KSR2: variants seen among roughly 807,000 people sequenced by gnomAD.
KSR2 encodes the protein kinase suppressor of ras 2.
A neutral mutation model predicts 107.8 loss-of-function variants in KSR2; 25 were observed. The ratio of observed to expected loss-of-function variants is 0.23; its 90% CI spans 0.17 to 0.32. The LOEUF (loss-of-function observed/expected upper bound fraction) is 0.32, where lower values mean the gene tolerates loss of function less well. Among genes scored for constraint, KSR2 ranks in the 10% least tolerant of loss-of-function variants. The pLI is 1.00. For synonymous variants in KSR2, 480 were observed against 507.0 expected, an observed-to-expected ratio of 0.95 and a Z score of 0.71; for missense variants, 887 against 1,268.9, an observed-to-expected ratio of 0.70 and a Z score of 4.57.
chr12:117,528,330 T>C (rs777973978), intron 12 of KSR2, among the ~76,000 whole-genome samples: 3 of 152,060 alleles, frequency 2.0e-5, no homozygotes, highest in Admixed American at 1.3e-4. Flanking sequence ...GTTTTTGAAG[T>C]GCAGCAGGGA....
chr12:117,915,064 G>T (rs1300884732), intron 1 of KSR2, among the ~76,000 whole-genome samples: 1 of 152,234 alleles, frequency 6.6e-6, no homozygotes, highest in Non-Finnish European at 1.5e-5. Flanking sequence ...GCAACAGGCT[G>T]TGTCTGTATT....
chr12:117,583,210 T>G (rs983191815), intron 5 of KSR2, among the ~76,000 whole-genome samples: 2 of 149,188 alleles, frequency 1.3e-5, no homozygotes, highest in Non-Finnish European at 3.0e-5. Flanking sequence ...GATGGATGCA[T>G]GGATAGATGG....
chr12:117,479,246 C>T (rs908225006), intron 16 of KSR2, among the ~76,000 whole-genome samples: 3 of 152,198 alleles, frequency 2.0e-5, no homozygotes, highest in Admixed American at 6.5e-5. Context: ...CGGGTAACTG[C>T]GGCAATCACA....
Position 117,728,608 on chromosome 12 carries a change from T to C in KSR2, c.986+32403A>G, listed in dbSNP as rs573157727. Reference sequence around the variant, plus strand: ...ACTGAGAAAAACTCAGAACTCTGTGTCTGGTGAGCAACCTGTGTGTTCCCC... The same window carrying C: ...ACTGAGAAAAACTCAGAACTCTGTGCCTGGTGAGCAACCTGTGTGTTCCCC... On this transcript the variant is annotated intron_variant, in intron 4 of 19. Transcript: ENST00000339824. Among the ~76,000 whole-genome samples, 85 of 152,324 alleles carry C rather than the reference T, an allele frequency of 5.6e-4. No individual in the cohort carries two copies. In the South Asian group the frequency reaches 0.015, roughly 27 times the overall value.
chr12:117,632,903 C>T (rs978498422), intron 5 of KSR2, among the ~76,000 whole-genome samples: 1 of 152,160 alleles, frequency 6.6e-6, no homozygotes, highest in African/African-American at 2.4e-5. Flanking sequence ...TGTTCCATGG[C>T]GTACATGTAC....
chr12:117,550,737 T>C (rs1241642105), intron 9 of KSR2, among the ~76,000 whole-genome samples: 1 of 151,952 alleles, frequency 6.6e-6, no homozygotes, highest in East Asian at 1.9e-4. Context: ...AAGACAAAAG[T>C]AGAAGATGAG....
intron 4 of KSR2, among the ~76,000 whole-genome samples, chr12:117,720,804 C>T (rs1593166474): frequency 6.6e-6 from 1 of 151,924 alleles, no homozygotes; most frequent in Admixed American, 6.6e-5. Flanking sequence ...TGATCTTGAG[C>T]CCAGATCTGA....
intron 4 of KSR2, among the ~76,000 whole-genome samples, chr12:117,753,041 CCTTT>C (rs1312004348): frequency 2.0e-5 from 3 of 152,220 alleles, no homozygotes; most frequent in Non-Finnish European, 2.9e-5. Flanking sequence ...TGCCTGTTTA[CCTTT>C]CTAAGTATGG....
At chr12:117,781,515 G>C (rs1481228983) in intron 3 of KSR2, among the ~76,000 whole-genome samples, 1 of 152,090 alleles carries the variant, frequency 6.6e-6, no homozygotes, top group African/African-American at 2.4e-5. Context: ...GAGAGCTGAG[G>C]ATTTATCCAG....
chr12:117,651,124 GAAC>G (rs1883887455), intron 5 of KSR2, among the ~76,000 whole-genome samples: 1 of 152,072 alleles, frequency 6.6e-6, no homozygotes, highest in African/African-American at 2.4e-5. Context: ...TTGCCAGAAG[GAAC>G]AACTTCCCCA....
intron 1 of KSR2, among the ~76,000 whole-genome samples, chr12:117,864,189 C>G (rs554580792): frequency 1.3e-5 from 2 of 152,252 alleles, no homozygotes; most frequent in Non-Finnish European, 1.5e-5. Context: ...ATGAGACAAC[C>G]ATCCAAGAAG....
At chr12:117,625,950 A>T (rs1252183349) in intron 5 of KSR2, among the ~76,000 whole-genome samples, 1 of 152,166 alleles carries the variant, frequency 6.6e-6, no homozygotes, top group Non-Finnish European at 1.5e-5. Context: ...TGTGTCCAGG[A>T]ATTTATCCAT....
intron 5 of KSR2, among the ~76,000 whole-genome samples, chr12:117,635,073 C>T (rs1330597180): frequency 1.3e-5 from 2 of 152,160 alleles, no homozygotes; most frequent in South Asian, 2.1e-4. Context: ...GGTTAACCCA[C>T]GGCCAGTCTC....
intron 4 of KSR2, among the ~76,000 whole-genome samples, chr12:117,730,607 T>C (rs1041344512): frequency 9.2e-5 from 14 of 152,142 alleles, no homozygotes; most frequent in South Asian, 2.1e-4. Flanking sequence ...GCATCCTCCC[T>C]GCCTGATTCT....
At chr12:117,528,335 C>T (rs1208404167) in intron 12 of KSR2, among the ~76,000 whole-genome samples, 1 of 152,078 alleles carries the variant, frequency 6.6e-6, no homozygotes, top group African/African-American at 2.4e-5. Context: ...TGAAGTGCAG[C>T]AGGGAGACAG....
intron 3 of KSR2, among the ~76,000 whole-genome samples, chr12:117,826,650 A>G (rs1035765553): frequency 1.3e-5 from 2 of 152,156 alleles, no homozygotes; most frequent in East Asian, 1.9e-4. Flanking sequence ...ACTGCCTGAC[A>G]TTAGCAGATG....
intron 5 of KSR2, among the ~76,000 whole-genome samples, chr12:117,621,756 C>A (rs187517742): frequency 6.6e-6 from 1 of 152,246 alleles, no homozygotes; most frequent in East Asian, 1.9e-4. Flanking sequence ...GAACTCTATA[C>A]TATTTTTGCA....
intron 3 of KSR2, among the ~76,000 whole-genome samples, chr12:117,793,784 CCAACATGCACACATG>C (rs1463644396): frequency 2.8e-5 from 4 of 142,726 alleles, no homozygotes; most frequent in East Asian, 2.2e-4. Flanking sequence ...CATGCACACA[CCAACATGCACACATG>C]CAACATGCAC....
intron 4 of KSR2, among the ~76,000 whole-genome samples, chr12:117,719,362 T>A (rs968338857): frequency 6.6e-6 from 1 of 152,162 alleles, no homozygotes; most frequent in Non-Finnish European, 1.5e-5. Flanking sequence ...ACCCGGCTAA[T>A]TTTTTGAACT....
Sources: allele counts gnomAD v4.1 joint callset (sites outside exome capture counted in the v4.1 genomes callset), GRCh38; gene constraint gnomAD v4.1.1; transcripts MANE v1.5; gene names NCBI Gene and HGNC (gene_info 2026-07-23, HGNC 2026-07-21).